The following ZNF695 variants were observed in gnomAD, a reference collection of about 807,000 sequenced individuals.
ZNF695 encodes the protein zinc finger protein SBZF3.
Under a neutral mutation model 11.2 loss-of-function variants are expected in ZNF695, and 11 were observed. The observed-to-expected ratio is 0.98, with a 90% CI of 0.62 to 1.62. ZNF695 has a LOEUF of 1.62. Among genes scored for constraint, ZNF695 ranks in the 40% most tolerant of loss-of-function variants. The pLI, the probability that ZNF695 is intolerant of heterozygous loss-of-function variation, is 0.00. For missense variants in ZNF695, 559 were observed against 590.5 expected, an observed-to-expected ratio of 0.95 and a Z score of 0.55; for synonymous variants, 190 against 201.4, an observed-to-expected ratio of 0.94 and a Z score of 0.48.
intron 4 of ZNF695, among the ~76,000 whole-genome samples, chr1:246,976,717 C>T (rs147442355): frequency 2.0e-5 from 3 of 152,144 alleles, no homozygotes; most frequent in South Asian, 2.1e-4. Flanking sequence ...TGGCATGAAC[C>T]CGGGAGGCAG....
chr1:246,988,592 T>C (rs1294133626), intron 3 of ZNF695, among the ~76,000 whole-genome samples: 1 of 152,182 alleles, frequency 6.6e-6, no homozygotes, highest in Non-Finnish European at 1.5e-5. Context: ...TAGAATATTA[T>C]ATCCAGCAAA....
At chr1:246,956,880 T>A (rs780145665) in intron 5 of ZNF695, among the ~76,000 whole-genome samples, 1 of 152,120 alleles carries the variant, frequency 6.6e-6, no homozygotes, top group Non-Finnish European at 1.5e-5. Context: ...TTGTGATTAC[T>A]CAGTATAACG....
intron 5 of ZNF695, chr1:246,966,931 AC>A (rs1668305350): frequency 2.3e-6 from 1 of 431,114 alleles, no homozygotes; most frequent in Non-Finnish European, 4.6e-6. Context: ...ATTAAATGTT[AC>A]TTTTTTTGTT....
intron 4 of ZNF695, among the ~76,000 whole-genome samples, chr1:246,978,579 C>T (rs947138218): frequency 6.6e-6 from 1 of 152,150 alleles, no homozygotes; most frequent in Non-Finnish European, 1.5e-5. Context: ...GCTGTGGAGT[C>T]GGTCAGACCT....
rs1668826088 is a variant in ZNF695 at position 246,985,593 on chromosome 1, CA to C, written c.*1373del. 6.3e-6 allele frequency: 6 copies of C among 958,118 alleles called. No homozygotes were observed. Among genetic ancestry groups the C allele is most frequent in the Non-Finnish European group, 7.3e-6 (6 of 817,672 alleles). The allele number at this position is 958,118 out of a possible 1,614,324, so 59.4% of individuals were successfully genotyped here. ...ACGCATCACTTAATGTACAACGGTC[CA>C]AAGACATTAAAACAATGTCTTATTA... On this transcript the variant is annotated 3_prime_UTR_variant, in exon 4 of 4. Coordinates refer to ENST00000339986, the MANE Select transcript of ZNF695 (RefSeq NM_020394.5).
chr1:246,957,627 C>T (rs980753403), intron 5 of ZNF695, among the ~76,000 whole-genome samples: 4 of 152,032 alleles, frequency 2.6e-5, no homozygotes, highest in African/African-American at 9.7e-5. Context: ...TCTAGAAACA[C>T]ATTGTGGCAG....
chr1:246,959,103 T>G (rs1668082587), intron 5 of ZNF695, among the ~76,000 whole-genome samples: 1 of 150,542 alleles, frequency 6.6e-6, no homozygotes, highest in Non-Finnish European at 1.5e-5. Flanking sequence ...CTGGGCAACA[T>G]AGCAAGACCC....
chr1:246,985,247 A>G (rs1668816915), downstream of ZNF695: 1 of 973,172 alleles, frequency 1.0e-6, no homozygotes, highest in South Asian at 4.7e-5. Context: ...TTTGCAGGCC[A>G]GAAAAGCCAC....
intron 5 of ZNF695, among the ~76,000 whole-genome samples, chr1:246,948,083 T>C (rs577183115): frequency 6.6e-6 from 1 of 152,264 alleles, no homozygotes; most frequent in East Asian, 1.9e-4. Context: ...TCTTTTTCTT[T>C]TCTTTTTTGA....
At chr1:246,972,945 A>G (rs931292820) in intron 4 of ZNF695, among the ~76,000 whole-genome samples, 5 of 149,072 alleles carry the variant, frequency 3.4e-5, no homozygotes, top group Non-Finnish European at 7.4e-5. Context: ...ATATATATAT[A>G]TATATACTAT....
intron 2 of ZNF695, 55 bp from the exon 3 acceptor site, chr1:246,999,495 T>G (rs181211236): frequency 7.2e-7 from 1 of 1,389,270 alleles, no homozygotes; most frequent in Non-Finnish European, 1.0e-6. Flanking sequence ...TAATCACCTT[T>G]TACTATGCTC....
rs1342967281 is a variant in ZNF695 at position 246,987,074 on chromosome 1, T to C, written c.1441A>G (p.Lys481Glu). 5 of 1,613,158 alleles carry C rather than the reference T, an allele frequency of 3.1e-6. No homozygotes were observed. The East Asian group carries it at 6.7e-5, about 22-fold the overall frequency. ...TCTCTGGTATGAATTGTCTTATGTTTAGAAAGGTGTGAGCTCTGGCCAAAG... is the reference window on the plus strand; with the variant it reads ...TCTCTGGTATGAATTGTCTTATGTTCAGAAAGGTGTGAGCTCTGGCCAAAG... Reference protein sequence around the residue: ...KAFGQSSHLSKHKTIHTREKP... With the variant: ...KAFGQSSHLSEHKTIHTREKP... Residue 481 changes from lysine to glutamate, a missense_variant, in exon 4 of 4, where the codon AAA becomes GAA. By Grantham distance (56) the Lys-to-Glu change is moderately conservative. Coordinates refer to ENST00000339986, the MANE Select transcript of ZNF695 (RefSeq NM_020394.5).
intron 1 of ZNF695, among the ~76,000 whole-genome samples, chr1:247,004,494 G>A (rs989456769): frequency 2.0e-5 from 3 of 152,004 alleles, no homozygotes; most frequent in Admixed American, 6.6e-5. Context: ...ACTGAAGGAG[G>A]AAAAACTGAC....
At chr1:246,962,767 A>G (rs1446885264) in intron 5 of ZNF695, among the ~76,000 whole-genome samples, 1 of 150,126 alleles carries the variant, frequency 6.7e-6, no homozygotes, top group East Asian at 2.0e-4. Context: ...ATCTCAGCTC[A>G]CTGCAAGCTC....
At chr1:246,969,884 G>A (rs114656821) in intron 4 of ZNF695, among the ~76,000 whole-genome samples, 1,712 of 152,222 alleles carry the variant, frequency 0.011, 14 homozygotes, top group Middle Eastern at 0.027. Flanking sequence ...TTACTATCAC[G>A]AGAACAGCAA....
chr1:246,994,991 G>T (rs1239703354), intron 3 of ZNF695, among the ~76,000 whole-genome samples: 2 of 152,162 alleles, frequency 1.3e-5, no homozygotes, highest in African/African-American at 4.8e-5. Context: ...TCTCACCAGG[G>T]TTCACGATAT....
Position 246,986,504 on chromosome 1 carries a change from G to A in ZNF695, c.*463C>T. 1 of 988,152 alleles carries A rather than the reference G, an allele frequency of 1.0e-6. No individual in the cohort carries two copies. The highest frequency in any genetic ancestry group is 1.2e-6 in the Non-Finnish European group (1 of 831,826). The allele number at this position is 988,152 out of a possible 1,614,324, so 61.2% of individuals were successfully genotyped here. Reference sequence around the variant, plus strand: ...TGTCTGAAAGTGTCAGTGACTTAGTGCTTTTTACTATGAATTCTTGGATGT... The same window carrying A: ...TGTCTGAAAGTGTCAGTGACTTAGTACTTTTTACTATGAATTCTTGGATGT... On this transcript the variant is annotated 3_prime_UTR_variant, in exon 4 of 4. Coordinates refer to ENST00000339986, the MANE Select transcript of ZNF695 (RefSeq NM_020394.5).
At position 246,987,897 on chromosome 1, in the gene ZNF695, A is replaced by G; in HGVS notation, c.618T>C (p.His206=). The change falls in exon 4 of 4, where the codon CAT becomes CAC. Residue 206 remains histidine (H), a synonymous_variant. Coordinates refer to ENST00000339986, the MANE Select transcript of ZNF695 (RefSeq NM_020394.5). ...TACATTGGTACGGGTTCTCTCCAAT[A>G]TGGATTCTCTGCTGTTGAGTCATTA... is the stretch of plus-strand genomic sequence containing the variant. ...SLIMTQQQRI[H]IGENPYQCKK... 15 of 1,609,300 alleles carry G rather than the reference A, an allele frequency of 9.3e-6. No individual in the cohort carries two copies. Among genetic ancestry groups the G allele is most frequent in the Middle Eastern group, 1.7e-4 (1 of 6,026 alleles).
chr1:246,976,582 G>C (rs12136946), intron 4 of ZNF695, among the ~76,000 whole-genome samples: 34,902 of 150,080 alleles, frequency 0.23, 4,704 homozygotes, highest in African/African-American at 0.35. Context: ...ATCACGAGGT[G>C]AGGAGATCGA....
Sources: gnomAD v4.1 joint callset for allele counts (sites outside exome capture counted in the v4.1 genomes callset) on GRCh38, gnomAD v4.1.1 for gene constraint, MANE v1.5 for transcripts, NCBI Gene and HGNC (gene_info 2026-07-23, HGNC 2026-07-21) for gene names.